Variants in ARHGAP23 observed in about 807,000 individuals in gnomAD.
ARHGAP23 encodes Rho GTPase activating protein 23, also known as rho GTPase-activating protein 23.
In ARHGAP23, 34 loss-of-function variants were observed where a neutral mutation model predicts 136.3. The ratio of observed to expected loss-of-function variants is 0.25; its 90% CI spans 0.19 to 0.33. The LOEUF is 0.33. Ranked by LOEUF, ARHGAP23 falls within the 10% of genes least tolerant of loss-of-function variation. The pLI is 1.00. For synonymous variants in ARHGAP23, 832 were observed against 920.5 expected (o/e 0.90, Z 1.74); for missense variants, 1,808 against 2,139.0 (o/e 0.85, Z 3.05).
intron 10 of ARHGAP23, among the ~76,000 whole-genome samples, chr17:38,470,179 C>T (rs1230960946): frequency 6.6e-6 from 1 of 152,228 alleles, no homozygotes; most frequent in African/African-American, 2.4e-5. Flanking sequence ...ACTCACTTCT[C>T]CCCTGTCTTC....
chr17:38,479,856 A>C lies in ARHGAP23; in HGVS notation c.2602A>C (p.Thr868Pro), dbSNP rs1304469963. ...LKQSAARGLR[T>P]QDLPAGSKDD... ...GCAGAGTGCGGCACGTGGCCTCAGGACTCAGGACCTGCCCGCAGGGAGCAA... is the reference window on the plus strand; with the variant it reads ...GCAGAGTGCGGCACGTGGCCTCAGGCCTCAGGACCTGCCCGCAGGGAGCAA... The change falls in exon 14 of 24, where the codon ACT (threonine) becomes CCT (proline). Residue 868 changes from threonine (T) to proline (P), a missense_variant. Thr to Pro is a conservative substitution (Grantham distance 38). Coordinates refer to ENST00000622683, the MANE Select transcript of ARHGAP23 (RefSeq NM_001199417.2). The C allele has an allele frequency of 1.2e-5, 18 of 1,541,484 alleles. No homozygotes were observed. Among genetic ancestry groups the C allele is most frequent in the African/African-American group, 2.8e-5 (2 of 70,932 alleles).
intron 12 of ARHGAP23, among the ~76,000 whole-genome samples, chr17:38,478,399 G>A (rs116346915): frequency 0.013 from 1,859 of 148,542 alleles, 35 homozygotes; most frequent in African/African-American, 0.045. Context: ...CAAGGGCCTC[G>A]GCAGGGATTT....
At position 38,467,025 on chromosome 17, in the gene ARHGAP23, A is replaced by G. The variant is rs1322543801; in HGVS notation, c.1342A>G (p.Thr448Ala). The change falls in exon 7 of 24, where the codon ACC becomes GCC. Residue 448 changes from threonine (T) to alanine (A), a missense_variant. Thr to Ala is a moderately conservative substitution (Grantham distance 58). This residue lies in a region of ARHGAP23 where 859 missense variants were observed against 936.4 expected (regional missense o/e 0.92). Transcript: ENST00000622683. ...GGACTCACCCTTTGGGGGGCTGCCT[A>G]CCTTCAACCTGGCCCAGTCCCCTGC... ...FRDSPFGGLP[T>A]FNLAQSPASF... The G allele has an allele frequency of 3.2e-5, 50 of 1,550,738 alleles. No homozygotes were observed. The East Asian group carries it at 1.0e-3, about 31-fold the overall frequency.
Position 38,463,182 on chromosome 17 carries a change from T to C in ARHGAP23, c.414T>C (p.Ala138=). 1.3e-6 allele frequency: 2 copies of C among 1,551,538 alleles called. No individual in the cohort carries two copies. The highest frequency in any genetic ancestry group is 1.2e-5 in the South Asian group (1 of 84,044). The change falls in exon 5 of 24, where the codon GCT becomes GCC. Residue 138 remains alanine, a synonymous_variant. Transcript: ENST00000622683. ...VIGKTYSQVI[A]LIQNSDDTLE... The stretch of plus-strand genomic sequence containing the variant: ...GGAAGACCTACTCTCAGGTCATAGC[T>C]CTGATCCAGAATAGGTGAGTGTCCC...
chr17:38,428,106 C>T (rs938095913), upstream of ARHGAP23, among the ~76,000 whole-genome samples: 4 of 152,182 alleles, frequency 2.6e-5, no homozygotes, highest in Non-Finnish European at 5.9e-5. Flanking sequence ...CCCTCCCTAT[C>T]CCCGTGCTAG....
intron 3 of ARHGAP23, 34 bp downstream of exon 3, chr17:38,460,966 G>A (rs9898977): frequency 0.39 from 601,892 of 1,534,614 alleles, 123,322 homozygotes; most frequent in South Asian, 0.56. Context: ...GGACCTGCAC[G>A]GGACTCCTCT....
intron 23 of ARHGAP23, among the ~76,000 whole-genome samples, chr17:38,507,767 C>A (rs1009749507): frequency 6.6e-6 from 1 of 152,200 alleles, no homozygotes; most frequent in African/African-American, 2.4e-5. Flanking sequence ...TTGTGGGCAA[C>A]CATGGCCCAG....
chr17:38,445,765 G>A (rs1383632558), intron 1 of ARHGAP23, among the ~76,000 whole-genome samples: 1 of 151,840 alleles, frequency 6.6e-6, no homozygotes, highest in African/African-American at 2.4e-5. Context: ...TTCCTGAGGA[G>A]CTGGGATTAT....
At chr17:38,448,281 G>A (rs1217926973) in intron 1 of ARHGAP23, among the ~76,000 whole-genome samples, 1 of 152,138 alleles carries the variant, frequency 6.6e-6, no homozygotes, top group African/African-American at 2.4e-5. Context: ...GCGTCCACAT[G>A]TGTCACCGTG....
upstream of ARHGAP23, among the ~76,000 whole-genome samples, chr17:38,427,594 C>G (rs1432317003): frequency 1.3e-5 from 2 of 152,222 alleles, no homozygotes; most frequent in Non-Finnish European, 2.9e-5. Context: ...TTAGGCCCAG[C>G]TCAGAGTGAA....
chr17:38,428,619 G>T (rs1023719723), intron 1 of ARHGAP23, 71 bp downstream of exon 1: 2 of 1,093,986 alleles, frequency 1.8e-6, no homozygotes, highest in Non-Finnish European at 2.4e-6. Context: ...AGCCAGGGTC[G>T]CTGCGACCCC....
At chr17:38,505,398 A>G (rs965809282) in intron 23 of ARHGAP23, among the ~76,000 whole-genome samples, 6 of 151,912 alleles carry the variant, frequency 3.9e-5, no homozygotes, top group African/African-American at 7.3e-5. Flanking sequence ...CTTTCTTTAC[A>G]GCCTGCAATA....
chr17:38,422,486 G>A (rs952481648), intron 1 of ARHGAP23, among the ~76,000 whole-genome samples: 1 of 152,184 alleles, frequency 6.6e-6, no homozygotes, highest in Non-Finnish European at 1.5e-5. Flanking sequence ...AGCCTGCTGG[G>A]CTGGGTTTCC....
Position 38,509,426 on chromosome 17 carries a change from C to T in ARHGAP23, c.3448-518C>T, listed in dbSNP as rs371967503. On this transcript the variant is annotated intron_variant, in intron 23 of 23. Transcript: ENST00000622683. Reference sequence around the variant, plus strand: ...GAGGACGTGAACTTGGGCGGGTTGCCCTGGAGAGGCCTGTAGATGCTGGGC... The same window carrying T: ...GAGGACGTGAACTTGGGCGGGTTGCTCTGGAGAGGCCTGTAGATGCTGGGC... Among the ~76,000 whole-genome samples the T allele has an allele frequency of 2.0e-4, 31 of 152,106 alleles. No homozygotes were observed. The East Asian group carries it at 4.3e-3, about 21-fold the overall frequency.
chr17:38,464,428 T>C (rs941994366), intron 6 of ARHGAP23, among the ~76,000 whole-genome samples: 3 of 152,254 alleles, frequency 2.0e-5, no homozygotes, highest in Admixed American at 1.3e-4. Flanking sequence ...CTGAGGTCAC[T>C]GTCCCTGGGG....
intron 1 of ARHGAP23, among the ~76,000 whole-genome samples, chr17:38,438,286 A>C (rs1460697174): frequency 1.4e-5 from 2 of 146,318 alleles, no homozygotes; most frequent in Admixed American, 1.4e-4. Context: ...ATGCCACTGC[A>C]CACTCCAGCC....
chr17:38,466,974 G>A lies in ARHGAP23; in HGVS notation c.1291G>A (p.Gly431Ser), dbSNP rs1201072330. The A allele has an allele frequency of 1.9e-6, 3 of 1,550,438 alleles. No homozygotes were observed. The highest frequency in any genetic ancestry group is 2.0e-5 in the Admixed American group (1 of 50,992). The change falls in exon 7 of 24, where the codon GGC becomes AGC. Residue 431 changes from glycine to serine, a missense_variant. Coordinates refer to ENST00000622683, the MANE Select transcript of ARHGAP23 (RefSeq NM_001199417.2). ...SYSPSFQRRT[G>S]LLHALSFRDS... The stretch of plus-strand genomic sequence containing the variant: ...CAGCCCATCATTCCAGCGCCGGACC[G>A]GCCTCCTCCATGCGCTCTCCTTCCG...
At chr17:38,506,139 T>C (rs2040630113) in intron 23 of ARHGAP23, among the ~76,000 whole-genome samples, 2 of 152,236 alleles carry the variant, frequency 1.3e-5, no homozygotes, top group African/African-American at 4.8e-5. Context: ...TGGTCATCGC[T>C]GATTCCTAAG....
Position 38,466,474 on chromosome 17 carries a change from C to A in ARHGAP23, c.791C>A (p.Pro264His). 6.6e-7 allele frequency: 1 copy of A among 1,518,550 alleles called. No homozygotes were observed. Among genetic ancestry groups the A allele is most frequent in the South Asian group, 1.2e-5 (1 of 81,300 alleles). The allele number at this position is 1,518,550 out of a possible 1,614,324, so 94.1% of individuals were successfully genotyped here. The change falls in exon 7 of 24, where the codon CCC becomes CAC. Residue 264 changes from proline (P) to histidine (H), a missense_variant. By Grantham distance (77) the Pro-to-His change is moderately conservative. Around this residue, in one of 7 missense-constraint regions of ARHGAP23, gnomAD observed 859 missense variants for 936.4 expected, o/e 0.92. Coordinates refer to ENST00000622683, the MANE Select transcript of ARHGAP23 (RefSeq NM_001199417.2). ...PGAFPHLSSE[P>H]RTPRAFPEPG... ...GCCTTCCCCCACCTCTCCTCGGAGCCCCGGACGCCCCGTGCCTTCCCAGAG... is the reference window on the plus strand; with the variant it reads ...GCCTTCCCCCACCTCTCCTCGGAGCACCGGACGCCCCGTGCCTTCCCAGAG...
Sources: gnomAD v4.1 joint callset for allele counts (sites outside exome capture counted in the v4.1 genomes callset) on GRCh38, gnomAD v4.1.1 for gene constraint, gnomAD v4.1.1 regional missense constraint, MANE v1.5 for transcripts, NCBI Gene and HGNC (gene_info 2026-07-23, HGNC 2026-07-21) for gene names.